Variants in AGBL4 observed in about 807,000 individuals in gnomAD.
The protein encoded by AGBL4 is AGBL carboxypeptidase 4.
A neutral mutation model predicts 66.4 loss-of-function variants in AGBL4; 58 were observed. That is an observed-to-expected ratio of 0.87 (90% CI 0.71 to 1.09). The LOEUF is 1.09. Among genes scored for constraint, AGBL4 ranks in the 50% least tolerant of loss-of-function variants. The probability of loss-of-function intolerance (pLI) is 0.00; values close to 1 mark genes in which losing one functional copy is unlikely to be tolerated. For synonymous variants in AGBL4, 234 were observed against 222.9 expected (o/e 1.05, Z -0.44); for missense variants, 579 against 631.0 (o/e 0.92, Z 0.88).
At chr1:49,193,935 T>C (rs1647175075) in intron 4 of AGBL4, among the ~76,000 whole-genome samples, 1 of 152,212 alleles carries the variant, frequency 6.6e-6, no homozygotes, top group Non-Finnish European at 1.5e-5. Flanking sequence ...ACCTAATATA[T>C]GGTCTATGGA....
chr1:49,697,500 C>G, intron 2 of AGBL4, 63 bp from the exon 3 acceptor site: 1 of 1,280,450 alleles, frequency 7.8e-7, no homozygotes. Context: ...ATGGTACACA[C>G]ATTTAAATAT....
chr1:48,714,236 T>C (rs1353817456), intron 6 of AGBL4, among the ~76,000 whole-genome samples: 5 of 152,146 alleles, frequency 3.3e-5, no homozygotes, highest in Admixed American at 3.3e-4. Flanking sequence ...CATTTGGATG[T>C]TGCTTTCAAA....
chr1:49,375,451 A>T (rs1238254876), intron 3 of AGBL4, among the ~76,000 whole-genome samples: 1 of 152,088 alleles, frequency 6.6e-6, no homozygotes, highest in East Asian at 1.9e-4. Context: ...AGATTGCTTT[A>T]AAAGTCACGG....
At chr1:48,838,953 T>C (rs1646741010) in intron 6 of AGBL4, among the ~76,000 whole-genome samples, 1 of 151,998 alleles carries the variant, frequency 6.6e-6, no homozygotes, top group African/African-American at 2.4e-5. Context: ...ATCAGGGAAA[T>C]GCAAATCAAA....
intron 2 of AGBL4, among the ~76,000 whole-genome samples, chr1:49,706,867 T>G (rs1647247906): frequency 6.6e-6 from 1 of 152,196 alleles, no homozygotes; most frequent in Non-Finnish European, 1.5e-5. Flanking sequence ...AGTGAGTATC[T>G]TAATCTTGAA....
intron 1 of AGBL4, among the ~76,000 whole-genome samples, chr1:49,920,790 A>G (rs577165018): frequency 6.6e-6 from 1 of 152,326 alleles, no homozygotes; most frequent in East Asian, 1.9e-4. Flanking sequence ...ACACATGCAC[A>G]CGTATGTTTA....
chr1:49,966,656 A>C (rs1443636328), intron 1 of AGBL4, among the ~76,000 whole-genome samples: 1 of 152,066 alleles, frequency 6.6e-6, no homozygotes, highest in Non-Finnish European at 1.5e-5. Flanking sequence ...ATAAAATGGG[A>C]GTGAGAAAGA....
chr1:49,620,382 G>T (rs1645335957), intron 3 of AGBL4, among the ~76,000 whole-genome samples: 1 of 152,046 alleles, frequency 6.6e-6, no homozygotes, highest in Admixed American at 6.6e-5. Context: ...CATCATCACT[G>T]GTCATTACAG....
chr1:49,363,601 C>A (rs184865631), intron 3 of AGBL4, among the ~76,000 whole-genome samples: 1 of 152,112 alleles, frequency 6.6e-6, no homozygotes, highest in Admixed American at 6.6e-5. Context: ...GGGGGAGTTA[C>A]GGGTATATGT....
intron 6 of AGBL4, among the ~76,000 whole-genome samples, chr1:48,804,669 C>T (rs759770531): frequency 6.6e-6 from 1 of 152,076 alleles, no homozygotes; most frequent in Non-Finnish European, 1.5e-5. Flanking sequence ...GGGAATCATT[C>T]CTGGAGGGGT....
chr1:48,776,641 A>T (rs780936927), intron 6 of AGBL4: 5 of 1,480,988 alleles, frequency 3.4e-6, no homozygotes, highest in Non-Finnish European at 4.5e-6. Context: ...GTGGAGCAAC[A>T]GCGCGCCCCA....
At chr1:49,721,731 C>T (rs1648627177) in intron 2 of AGBL4, among the ~76,000 whole-genome samples, 1 of 152,024 alleles carries the variant, frequency 6.6e-6, no homozygotes, top group Admixed American at 6.6e-5. Flanking sequence ...GATGGAGACT[C>T]ACATGAAGCA....
intron 4 of AGBL4, among the ~76,000 whole-genome samples, chr1:49,071,765 T>G (rs966795617): frequency 2.0e-5 from 3 of 151,954 alleles, no homozygotes; most frequent in African/African-American, 7.3e-5. Flanking sequence ...TAGGTCCACT[T>G]GGTCCAAAGC....
chr1:48,863,559 G>T (rs1647691282), intron 6 of AGBL4, among the ~76,000 whole-genome samples: 1 of 152,056 alleles, frequency 6.6e-6, no homozygotes, highest in African/African-American at 2.4e-5. Flanking sequence ...AAGATGATAT[G>T]AAAATTAGAA....
intron 1 of AGBL4, among the ~76,000 whole-genome samples, chr1:49,937,123 C>G (rs1444243516): frequency 6.6e-6 from 1 of 151,430 alleles, no homozygotes; most frequent in Non-Finnish European, 1.5e-5. Flanking sequence ...CACATAGGCT[C>G]AAAATAAAAG....
At chr1:49,202,852 C>CA (rs1306120599) in intron 4 of AGBL4, among the ~76,000 whole-genome samples, 1 of 151,530 alleles carries the variant, frequency 6.6e-6, no homozygotes, top group African/African-American at 2.4e-5. Flanking sequence ...TATTTGTGAA[C>CA]AAAATATCAA....
At chr1:49,992,354 A>G (rs998311460) in intron 1 of AGBL4, among the ~76,000 whole-genome samples, 2 of 151,102 alleles carry the variant, frequency 1.3e-5, no homozygotes, top group African/African-American at 4.9e-5. Flanking sequence ...CCTGGGCGAC[A>G]GAGTGAGACT....
At chr1:49,796,022 C>T (rs758952597) in intron 2 of AGBL4, among the ~76,000 whole-genome samples, 1 of 151,722 alleles carries the variant, frequency 6.6e-6, no homozygotes, top group Non-Finnish European at 1.5e-5. Flanking sequence ...ATACTGGCCA[C>T]AATGATAACT....
intron 3 of AGBL4, among the ~76,000 whole-genome samples, chr1:49,533,133 C>T (rs1012339931): frequency 2.0e-5 from 3 of 152,112 alleles, no homozygotes; most frequent in Admixed American, 6.6e-5. Context: ...CTTTATTCCA[C>T]CCAGTGCTTC....
Sources: gnomAD v4.1 joint callset for allele counts (sites outside exome capture counted in the v4.1 genomes callset) on GRCh38, gnomAD v4.1.1 for gene constraint, MANE v1.5 for transcripts, NCBI Gene and HGNC (gene_info 2026-07-23, HGNC 2026-07-21) for gene names.